EXOC4: variants seen among roughly 807,000 people sequenced by gnomAD.
EXOC4 encodes the protein SEC8-like 1.
EXOC4 carries 71 observed loss-of-function variants against 107.2 expected under a neutral mutation model. The ratio of observed to expected loss-of-function variants is 0.66; its 90% CI spans 0.55 to 0.81. The LOEUF (loss-of-function observed/expected upper bound fraction) is 0.81. Among genes scored for constraint, EXOC4 ranks in the 30% least tolerant of loss-of-function variants. The pLI is 0.00. For synonymous variants in EXOC4, 456 were observed against 441.2 expected (o/e 1.03, Z -0.42); for missense variants, 1,108 against 1,189.6 (o/e 0.93, Z 1.01).
chr7:133,856,867 A>G (rs768173765), intron 11 of EXOC4, among the ~76,000 whole-genome samples: 10 of 151,536 alleles, frequency 6.6e-5, no homozygotes, highest in East Asian at 2.0e-4. Context: ...TTGGGAGGCC[A>G]AGGCAGGCGG....
At chr7:133,380,580 AT>A (rs1382299356) in intron 7 of EXOC4, among the ~76,000 whole-genome samples, 1 of 152,112 alleles carries the variant, frequency 6.6e-6, no homozygotes. Context: ...GAAATGACTT[AT>A]TTTTATCATA....
At chr7:133,973,135 A>G (rs1485415325) in intron 14 of EXOC4, among the ~76,000 whole-genome samples, 1 of 152,220 alleles carries the variant, frequency 6.6e-6, no homozygotes, top group Non-Finnish European at 1.5e-5. Flanking sequence ...CTACAGGGAC[A>G]TGGATAAACA....
intron 14 of EXOC4, among the ~76,000 whole-genome samples, chr7:133,955,178 C>A (rs1000478060): frequency 6.6e-6 from 1 of 152,248 alleles, no homozygotes; most frequent in Non-Finnish European, 1.5e-5. Context: ...TCTTGTCCTG[C>A]ATCCAGGAAG....
intron 14 of EXOC4, among the ~76,000 whole-genome samples, chr7:133,970,539 G>A (rs1283326678): frequency 4.6e-5 from 7 of 152,020 alleles, no homozygotes; most frequent in Admixed American, 4.6e-4. Context: ...ATAGTATCTG[G>A]GCCGGAATTC....
chr7:133,801,110 C>T (rs1796931482), intron 10 of EXOC4, among the ~76,000 whole-genome samples: 1 of 152,120 alleles, frequency 6.6e-6, no homozygotes, highest in Non-Finnish European at 1.5e-5. Context: ...CATTCTGTCA[C>T]CTCCACTGAG....
intron 10 of EXOC4, among the ~76,000 whole-genome samples, chr7:133,653,246 TTC>T (rs1338906130): frequency 1.3e-5 from 2 of 152,200 alleles, no homozygotes; most frequent in Non-Finnish European, 2.9e-5. Flanking sequence ...TATTTTCAGA[TTC>T]TCTATTACTT....
At chr7:133,599,916 G>T (rs7808319) in intron 9 of EXOC4, among the ~76,000 whole-genome samples, 23,694 of 31,094 alleles carry the variant, frequency 0.76, 8,251 homozygotes, top group East Asian at 0.86. Context: ...TTTTTTTTTT[G>T]GGAGACAGGG....
chr7:133,543,873 AATCTT>A (rs1486534466), intron 9 of EXOC4, among the ~76,000 whole-genome samples: 1 of 152,274 alleles, frequency 6.6e-6, no homozygotes, highest in Non-Finnish European at 1.5e-5. Context: ...GACAGAAACT[AATCTT>A]ATCTGCTGGC....
intron 11 of EXOC4, among the ~76,000 whole-genome samples, chr7:133,832,254 T>G (rs1797826769): frequency 6.6e-6 from 1 of 152,216 alleles, no homozygotes; most frequent in Non-Finnish European, 1.5e-5. Context: ...TTGTAATAGT[T>G]AGACGGTTTT....
intron 7 of EXOC4, among the ~76,000 whole-genome samples, chr7:133,465,151 A>G (rs2150831611): frequency 6.6e-6 from 1 of 152,244 alleles, no homozygotes; most frequent in East Asian, 1.9e-4. Context: ...AGATAATTCT[A>G]GAGTTTGGTA....
At chr7:134,078,803 T>C in the EXOC4 span, among the ~76,000 whole-genome samples, 1 of 152,258 alleles carries the variant, frequency 6.6e-6, no homozygotes, top group Non-Finnish European at 1.5e-5. Flanking sequence ...TTCACTCATC[T>C]ATGATAACAG....
Position 134,064,657 on chromosome 7 carries a change from A to G in EXOC4, c.*129A>G. The stretch of plus-strand genomic sequence containing the variant: ...ACTTTAGTGGAGAGGAGGTGTAAGG[A>G]TTCTTTCTCTCTGGTTTTGGCTTTT... On this transcript the variant is annotated 3_prime_UTR_variant, in exon 18 of 18. Transcript: ENST00000253861. 1 of 608,584 alleles carries G rather than the reference A, an allele frequency of 1.6e-6. No homozygotes were observed. The highest frequency in any genetic ancestry group is 2.7e-6 in the Non-Finnish European group (1 of 372,376). The allele number at this position is 608,584 out of a possible 1,614,324, so 37.7% of individuals were successfully genotyped here.
intron 14 of EXOC4, among the ~76,000 whole-genome samples, chr7:133,983,324 G>T (rs1794039139): frequency 6.6e-6 from 1 of 152,174 alleles, no homozygotes; most frequent in Non-Finnish European, 1.5e-5. Context: ...ACTATATCAA[G>T]AAGGTAATGA....
intron 17 of EXOC4, among the ~76,000 whole-genome samples, chr7:134,029,143 T>C (rs1795210823): frequency 6.6e-6 from 1 of 152,220 alleles, no homozygotes; most frequent in African/African-American, 2.4e-5. Flanking sequence ...GTACCCTCAG[T>C]ATCCAAAACA....
At chr7:134,070,857 A>T (rs1196004823), downstream of EXOC4, among the ~76,000 whole-genome samples, 2 of 152,138 alleles carry the variant, frequency 1.3e-5, no homozygotes, top group African/African-American at 4.8e-5. Flanking sequence ...TAGAAAGGTG[A>T]CCTCAGATTC....
chr7:133,441,835 G>T (rs7805858), intron 7 of EXOC4, among the ~76,000 whole-genome samples: 55,906 of 152,018 alleles, frequency 0.37, 10,869 homozygotes, highest in African/African-American at 0.49. Context: ...GTGTGTGGGG[G>T]GTGTGTGTGT....
intron 3 of EXOC4, among the ~76,000 whole-genome samples, chr7:133,299,228 C>G (rs1311124831): frequency 6.6e-6 from 1 of 151,938 alleles, no homozygotes; most frequent in Non-Finnish European, 1.5e-5. Context: ...GAAAAAAATA[C>G]CATTCTAGGC....
chr7:133,499,945 G>C (rs1399028448), intron 9 of EXOC4, among the ~76,000 whole-genome samples: 1 of 151,980 alleles, frequency 6.6e-6, no homozygotes, highest in African/African-American at 2.4e-5. Flanking sequence ...TTTCTTGATA[G>C]CGGTGTGAGA....
chr7:133,596,555 TC>T (rs1011862697), intron 9 of EXOC4, among the ~76,000 whole-genome samples: 23 of 152,130 alleles, frequency 1.5e-4, no homozygotes, highest in African/African-American at 5.6e-4. Context: ...AATTCACTCT[TC>T]CCCCCAATAA....
Sources: gnomAD v4.1 joint callset for allele counts (sites outside exome capture counted in the v4.1 genomes callset) on GRCh38, gnomAD v4.1.1 for gene constraint, MANE v1.5 for transcripts, NCBI Gene and HGNC (gene_info 2026-07-23, HGNC 2026-07-21) for gene names.